The following UBP1 variants were observed in gnomAD, a reference collection of about 807,000 sequenced individuals.
UBP1 encodes the protein upstream binding protein 1, also known as upstream-binding protein 1.
UBP1 carries 22 observed loss-of-function variants against 76.1 expected under a neutral mutation model. That is an observed-to-expected ratio of 0.29 (90% confidence interval 0.21 to 0.41). The LOEUF (loss-of-function observed/expected upper bound fraction) is 0.41. Ranked by LOEUF, UBP1 falls within the 10% of genes least tolerant of loss-of-function variation. The pLI, the probability that UBP1 is intolerant of heterozygous loss-of-function variation, is 1.00. For synonymous variants in UBP1, 224 were observed against 237.1 expected, an observed-to-expected ratio of 0.94 and a Z score of 0.51; for missense variants, 436 against 668.1, an observed-to-expected ratio of 0.65 and a Z score of 3.83.
chr3:33,403,021 T>G, intron 8 of UBP1, 117 bp from the exon 9 acceptor site: 2 of 913,978 alleles, frequency 2.2e-6, no homozygotes, highest in South Asian at 3.1e-5. Context: ...CAGCTGACAT[T>G]TATCAAGCAA....
rs1340382946 is a variant in UBP1 at position 33,388,635 on chromosome 3, AACGAGATAAACTC to A, written c.*1683_*1695del. On this transcript the variant is annotated 3_prime_UTR_variant, in exon 16 of 16. Transcript: ENST00000283629. ...ATAGACAAGCAAAACTTTTAAAACAAACGAGATAAACTCACTTCTTTCCCCAGTGACTGGTACA... is the reference window on the plus strand; with the variant it reads ...ATAGACAAGCAAAACTTTTAAAACAAACTTCTTTCCCCAGTGACTGGTACA... 2 of 152,262 alleles carry A rather than the reference AACGAGATAAACTC, an allele frequency of 1.3e-5. No homozygotes were observed. The highest frequency in any genetic ancestry group is 4.8e-5 in the African/African-American group (2 of 41,456). 9.4% of individuals were successfully genotyped at this position (152,262 alleles called of 1,614,324 possible).
At chr3:33,413,015 A>T (rs2044631795) in intron 3 of UBP1, among the ~76,000 whole-genome samples, 188 bp from the exon 4 acceptor site, 1 of 152,218 alleles carries the variant, frequency 6.6e-6, no homozygotes, top group African/African-American at 2.4e-5. Context: ...TGGTGCAAAG[A>T]ATTATAACTC....
chr3:33,398,933 T>C (rs188953911), intron 11 of UBP1, among the ~76,000 whole-genome samples: 24 of 152,368 alleles, frequency 1.6e-4, no homozygotes, highest in Non-Finnish European at 3.2e-4. Flanking sequence ...TATAAAAATG[T>C]AGTCCCCAGC....
At chr3:33,404,327 G>C (rs564063419) in intron 8 of UBP1, among the ~76,000 whole-genome samples, 2 of 151,988 alleles carry the variant, frequency 1.3e-5, no homozygotes, top group Non-Finnish European at 2.9e-5. Context: ...CAGGAGAATC[G>C]CTTGAACCTG....
At chr3:33,401,581 T>C (rs1475031571) in intron 9 of UBP1, among the ~76,000 whole-genome samples, 14 of 152,198 alleles carry the variant, frequency 9.2e-5, no homozygotes. Flanking sequence ...CCACAGGGAA[T>C]AGGGCTACCT....
upstream of UBP1, chr3:33,440,406 G>A (rs570241491): frequency 1.1e-4 from 17 of 152,706 alleles, no homozygotes; most frequent in South Asian, 2.0e-4. Context: ...CGCCGCTTCC[G>A]CCTCCCCCGG....
chr3:33,421,968 T>A (rs2044907142), intron 2 of UBP1, among the ~76,000 whole-genome samples: 3 of 151,890 alleles, frequency 2.0e-5, no homozygotes. Flanking sequence ...CCCTTGAGCC[T>A]GGGTGGCAGA....
chr3:33,414,017 A>G (rs778933804), intron 3 of UBP1: 3 of 152,230 alleles, frequency 2.0e-5, no homozygotes, highest in African/African-American at 2.4e-5. Flanking sequence ...ACATATTCAG[A>G]TGAAAACAGT....
chr3:33,409,989 A>G (rs1405972913), intron 5 of UBP1, among the ~76,000 whole-genome samples: 1 of 152,220 alleles, frequency 6.6e-6, no homozygotes, highest in Non-Finnish European at 1.5e-5. Context: ...TTCATTGTTT[A>G]GAGCTTCTGT....
chr3:33,392,647 T>G, intron 14 of UBP1, 33 bp from the exon 15 acceptor site: 1 of 1,572,142 alleles, frequency 6.4e-7, no homozygotes, highest in Non-Finnish European at 8.7e-7. Context: ...TAAGTACAAT[T>G]AAGATCCAAC....
In UBP1 at chr3:33,393,381, G is replaced by A. The variant is rs2043842980; in HGVS notation, c.1464C>T (p.Ile488=). 1 of 1,612,882 alleles carries A rather than the reference G, an allele frequency of 6.2e-7. No homozygotes were observed. Among genetic ancestry groups the A allele is most frequent in the African/African-American group, 1.3e-5 (1 of 74,756 alleles). ...VARKLALVFN[I]PLHQINQVYR... is the part of the protein sequence containing the mutation. ...AAACCTGATTAATTTGGTGGAGAGG[G>A]ATATTAAACACCAGCGCAAGTTTTC... is the stretch of plus-strand genomic sequence containing the variant. Residue 488 remains isoleucine, a synonymous_variant, in exon 14 of 16, where the codon ATC becomes ATT. Transcript: ENST00000283629.
chr3:33,425,485 G>T (rs918306002), intron 2 of UBP1, 105 bp downstream of exon 2: 5 of 1,192,494 alleles, frequency 4.2e-6, no homozygotes, highest in South Asian at 5.1e-5. Context: ...TTAAGAAAAA[G>T]AACCTAATTT....
At chr3:33,439,621 C>A in intron 1 of UBP1, 115 bp downstream of exon 1, 1 of 1,166,846 alleles carries the variant, frequency 8.6e-7, no homozygotes, top group Admixed American at 2.8e-5. Flanking sequence ...ACTCCGACCC[C>A]GCAGCCCAGG....
At chr3:33,405,140 C>T (rs2044382714) in intron 8 of UBP1, among the ~76,000 whole-genome samples, 1 of 151,840 alleles carries the variant, frequency 6.6e-6, no homozygotes, top group South Asian at 2.1e-4. Flanking sequence ...TTAAAAATTT[C>T]AGTTTCATCA....
chr3:33,395,454 T>G (rs2043938546), intron 13 of UBP1, among the ~76,000 whole-genome samples: 1 of 152,122 alleles, frequency 6.6e-6, no homozygotes, highest in African/African-American at 2.4e-5. Context: ...TGCTTGCTTT[T>G]TTTAAGGGCC....
rs779374360 is a variant in UBP1 at position 33,408,817 on chromosome 3, T to G, written c.820-20A>C. ...CCTCATCTGGACAAACACCAAAGAT[T>G]GGGATCAATGTCTTTTCATTATACA... On this transcript the variant is annotated intron_variant, in intron 7 of 15. Transcript: ENST00000283629. 1.3e-6 allele frequency: 2 copies of G among 1,591,182 alleles called. No homozygotes were observed. The highest frequency in any genetic ancestry group is 4.5e-5 in the East Asian group (2 of 44,748).
At chr3:33,410,195 C>T (rs2154057258) in intron 5 of UBP1, among the ~76,000 whole-genome samples, 1 of 152,318 alleles carries the variant, frequency 6.6e-6, no homozygotes, top group Middle Eastern at 3.4e-3. Flanking sequence ...GGGCAATACT[C>T]ATCTTCCACC....
At chr3:33,430,065 T>TA (rs2045087307) in intron 1 of UBP1, among the ~76,000 whole-genome samples, 2 of 152,316 alleles carry the variant, frequency 1.3e-5, no homozygotes, top group South Asian at 2.1e-4. Context: ...TAAATGAACC[T>TA]ATACCCCATC....
intron 8 of UBP1, chr3:33,403,539 A>C (rs1220096306): frequency 2.1e-5 from 3 of 139,714 alleles, no homozygotes; most frequent in Non-Finnish European, 4.7e-5. Context: ...CTGTCTATCT[A>C]ATCTATCTGT....
Sources: allele counts gnomAD v4.1 joint callset (sites outside exome capture counted in the v4.1 genomes callset), GRCh38; gene constraint gnomAD v4.1.1; transcripts MANE v1.5; gene names NCBI Gene and HGNC (gene_info 2026-07-23, HGNC 2026-07-21).